The following SPECC1 variants were observed in gnomAD, a reference collection of about 807,000 sequenced individuals.
The protein encoded by SPECC1 is sperm antigen with calponin homology and coiled-coil domains 1, also known as cytospin-B.
SPECC1 carries 62 observed loss-of-function variants against 104.1 expected under a neutral mutation model. The ratio of observed to expected loss-of-function variants is 0.60; its 90% CI spans 0.49 to 0.74. SPECC1 has a LOEUF of 0.74. Among genes scored for constraint, SPECC1 ranks in the 30% least tolerant of loss-of-function variants. SPECC1 has a pLI of 0.00. For synonymous variants in SPECC1, 513 were observed against 501.6 expected, an observed-to-expected ratio of 1.02 and a Z score of -0.30; for missense variants, 1,306 against 1,310.5, an observed-to-expected ratio of 1.00 and a Z score of 0.05.
At chr17:20,156,258 C>A in intron 3 of SPECC1, 2 of 1,333,816 alleles carry the variant, frequency 1.5e-6, no homozygotes, top group African/African-American at 1.6e-5. Context: ...TGGCGGGGGT[C>A]GCGCCGCAGC....
intron 1 of SPECC1, among the ~76,000 whole-genome samples, chr17:20,020,515 G>A (rs766308665): frequency 2.6e-4 from 39 of 151,940 alleles, no homozygotes; most frequent in Admixed American, 1.3e-3. Context: ...TGTATTTTTT[G>A]TAGAGATGGG....
At chr17:20,255,564 A>G (rs1278882940) in intron 10 of SPECC1, among the ~76,000 whole-genome samples, 1 of 152,184 alleles carries the variant, frequency 6.6e-6, no homozygotes, top group Non-Finnish European at 1.5e-5. Flanking sequence ...GTGTAGAGAC[A>G]CCATTCTTTC....
intron 7 of SPECC1, among the ~76,000 whole-genome samples, chr17:20,241,577 T>G (rs948927287): frequency 6.6e-6 from 1 of 152,188 alleles, no homozygotes; most frequent in Non-Finnish European, 1.5e-5. Context: ...TAGCAGAAAT[T>G]CTTCAGAATC....
At chr17:20,124,485 G>A (rs1376522717) in intron 3 of SPECC1, among the ~76,000 whole-genome samples, 1 of 152,122 alleles carries the variant, frequency 6.6e-6, no homozygotes, top group African/African-American at 2.4e-5. Context: ...AGGTGGGGCT[G>A]AATCGCTTTG....
At chr17:20,274,091 A>T (rs1453640658) in intron 12 of SPECC1, among the ~76,000 whole-genome samples, 1 of 151,850 alleles carries the variant, frequency 6.6e-6, no homozygotes, top group African/African-American at 2.4e-5. Flanking sequence ...AAATACACAC[A>T]CCCTTTTGTT....
chr17:20,286,672 C>T (rs1439746374), intron 12 of SPECC1, among the ~76,000 whole-genome samples: 1 of 152,192 alleles, frequency 6.6e-6, no homozygotes, highest in Non-Finnish European at 1.5e-5. Context: ...CTGCCTGGTG[C>T]CCAGTATATT....
chr17:20,280,808 G>A (rs976650494), intron 12 of SPECC1, among the ~76,000 whole-genome samples: 8 of 152,162 alleles, frequency 5.3e-5, no homozygotes, highest in African/African-American at 1.4e-4. Flanking sequence ...AAAGATCACC[G>A]GATTTTGTGG....
intron 3 of SPECC1, among the ~76,000 whole-genome samples, chr17:20,168,763 A>G (rs542759021): frequency 6.6e-6 from 1 of 152,362 alleles, no homozygotes; most frequent in South Asian, 2.1e-4. Flanking sequence ...ATTCAGATAT[A>G]TATGTGTGTG....
At chr17:20,157,663 T>G (rs1196864776) in intron 3 of SPECC1, among the ~76,000 whole-genome samples, 1 of 152,214 alleles carries the variant, frequency 6.6e-6, no homozygotes, top group African/African-American at 2.4e-5. Context: ...TAAGACTGAT[T>G]GGATGCCTGT....
intron 8 of SPECC1, 55 bp from the exon 9 acceptor site, chr17:20,247,164 T>C: frequency 7.3e-7 from 1 of 1,367,914 alleles, no homozygotes; most frequent in Non-Finnish European, 1.0e-6. Flanking sequence ...GGAACAAGTA[T>C]ATGCTATTTT....
At chr17:20,285,605 T>C (rs2040916454) in intron 12 of SPECC1, among the ~76,000 whole-genome samples, 1 of 152,194 alleles carries the variant, frequency 6.6e-6, no homozygotes, top group Non-Finnish European at 1.5e-5. Context: ...TGGGTAAAAA[T>C]AATCAGCAAG....
At chr17:20,108,407 T>A (rs2048333641) in intron 2 of SPECC1, among the ~76,000 whole-genome samples, 1 of 152,202 alleles carries the variant, frequency 6.6e-6, no homozygotes, top group Admixed American at 6.5e-5. Flanking sequence ...GCTCATTGCA[T>A]GTTTATATTT....
rs554854058 is a variant in SPECC1 at position 20,253,711 on chromosome 17, C to A, written c.2680+125C>A. On this transcript the variant is annotated intron_variant, in intron 10 of 14. Transcript: ENST00000395527. ...GGCATTTCTTGCAAGTGATTTCAACCCCGAATAATGTACATATCATGAATG... is the reference window on the plus strand; with the variant it reads ...GGCATTTCTTGCAAGTGATTTCAACACCGAATAATGTACATATCATGAATG... 45 of 875,396 alleles carry A rather than the reference C, an allele frequency of 5.1e-5. No homozygotes were observed. In the Middle Eastern group the frequency reaches 1.7e-3, roughly 33 times the overall value. 54.2% of individuals were successfully genotyped at this position (875,396 alleles called of 1,614,324 possible).
chr17:20,096,913 A>G (rs2047674962), intron 2 of SPECC1, 115 bp downstream of exon 2: 2 of 1,342,998 alleles, frequency 1.5e-6, no homozygotes, highest in Admixed American at 4.4e-5. Context: ...GAGGCTCCCA[A>G]GGAGGGGTCG....
At chr17:20,043,524 GT>G (rs2045415947) in intron 1 of SPECC1, among the ~76,000 whole-genome samples, 1 of 152,134 alleles carries the variant, frequency 6.6e-6, no homozygotes, top group Non-Finnish European at 1.5e-5. Flanking sequence ...TTTAATTCAT[GT>G]TTTATAATTC....
intron 12 of SPECC1, among the ~76,000 whole-genome samples, chr17:20,286,137 G>A (rs1194939931): frequency 6.6e-6 from 1 of 152,158 alleles, no homozygotes; most frequent in African/African-American, 2.4e-5. Flanking sequence ...ACATACACAT[G>A]TGCATGGGGG....
chr17:20,092,599 C>T (rs1250975271), intron 1 of SPECC1, among the ~76,000 whole-genome samples: 1 of 152,138 alleles, frequency 6.6e-6, no homozygotes. Flanking sequence ...GCCTCCTGCC[C>T]TGAACACACA....
intron 5 of SPECC1, among the ~76,000 whole-genome samples, chr17:20,229,056 C>T (rs959270393): frequency 6.6e-6 from 1 of 152,186 alleles, no homozygotes; most frequent in African/African-American, 2.4e-5. Flanking sequence ...CATTTTCAGA[C>T]ATGCACAGAG....
intron 3 of SPECC1, among the ~76,000 whole-genome samples, chr17:20,124,253 CGG>C (rs1457468445): frequency 1.3e-5 from 2 of 151,764 alleles, no homozygotes; most frequent in Non-Finnish European, 2.9e-5. Context: ...GGGGAACAGA[CGG>C]GGGGAAGCAA....
Sources: allele counts gnomAD v4.1 joint callset (sites outside exome capture counted in the v4.1 genomes callset), GRCh38; gene constraint gnomAD v4.1.1; transcripts MANE v1.5; gene names NCBI Gene and HGNC (gene_info 2026-07-23, HGNC 2026-07-21).